BICD1: variants seen among roughly 807,000 people sequenced by gnomAD.
BICD1 encodes BICD cargo adaptor 1.
A neutral mutation model predicts 92.5 loss-of-function variants in BICD1; 35 were observed. The observed-to-expected ratio is 0.38, with a 90% CI of 0.29 to 0.50. BICD1 has a LOEUF of 0.50. BICD1 is among the 20% of genes least tolerant of loss of function. BICD1 has a pLI of 0.93. For synonymous variants in BICD1, 429 were observed against 465.1 expected, an observed-to-expected ratio of 0.92 and a Z score of 1.00; for missense variants, 950 against 1,189.8, an observed-to-expected ratio of 0.80 and a Z score of 2.97.
intron 8 of BICD1, among the ~76,000 whole-genome samples, chr12:32,356,414 G>A (rs1047702104): frequency 6.6e-6 from 1 of 152,184 alleles, no homozygotes; most frequent in African/African-American, 2.4e-5. Context: ...CGCTTTGGGA[G>A]GCTGAGGCGA....
At chr12:32,339,027 T>A in intron 8 of BICD1, 48 bp downstream of exon 8, 1 of 1,526,832 alleles carries the variant, frequency 6.5e-7, no homozygotes, top group Non-Finnish European at 8.7e-7. Flanking sequence ...ATTAGTTGAA[T>A]AGACTCTCCC....
At chr12:32,287,728 G>A (rs1327039955) in intron 2 of BICD1, among the ~76,000 whole-genome samples, 11 of 152,096 alleles carry the variant, frequency 7.2e-5, no homozygotes, top group Admixed American at 5.9e-4. Context: ...TAGTAGAAAC[G>A]AGGTTTCACC....
chr12:32,130,620 G>A (rs1942508521), intron 1 of BICD1, among the ~76,000 whole-genome samples: 1 of 152,072 alleles, frequency 6.6e-6, no homozygotes, highest in Non-Finnish European at 1.5e-5. Context: ...CAGTGCTTGG[G>A]CCCAGCAGTC....
chr12:32,259,924 CTTT>C (rs56372956), intron 2 of BICD1, among the ~76,000 whole-genome samples: 7,532 of 140,770 alleles, frequency 0.054, 213 homozygotes, highest in Middle Eastern at 0.12. Flanking sequence ...ACACTACACA[CTTT>C]TTTTTTTTTT....
At chr12:32,306,831 A>G (rs1565658851) in intron 4 of BICD1, among the ~76,000 whole-genome samples, 1 of 151,738 alleles carries the variant, frequency 6.6e-6, no homozygotes, top group Non-Finnish European at 1.5e-5. Context: ...CCTGGCCAAC[A>G]TGGTAAAACC....
At chr12:32,206,302 G>T (rs1334182508) in intron 1 of BICD1, among the ~76,000 whole-genome samples, 1 of 152,128 alleles carries the variant, frequency 6.6e-6, no homozygotes, top group East Asian at 1.9e-4. Flanking sequence ...AGCCCACAAG[G>T]ATTAGAAATA....
intron 2 of BICD1, among the ~76,000 whole-genome samples, chr12:32,258,982 C>T (rs757999438): frequency 6.6e-6 from 1 of 152,102 alleles, no homozygotes; most frequent in Non-Finnish European, 1.5e-5. Context: ...TTCCCTGAGT[C>T]CTCCAAGGAA....
chr12:32,146,199 A>C (rs1943097437), intron 1 of BICD1, among the ~76,000 whole-genome samples: 1 of 152,218 alleles, frequency 6.6e-6, no homozygotes, highest in Non-Finnish European at 1.5e-5. Flanking sequence ...CCAGCCTTAC[A>C]GTTTTCTCTT....
In BICD1 at chr12:32,300,164, C is replaced by T. The variant is rs571847364; in HGVS notation, c.580-5533C>T. The stretch of plus-strand genomic sequence containing the variant: ...TCGCCCAGGCTGGAGTGCAATGGTG[C>T]GATCTCAGCTCACTGCAAGCTCTGC... On this transcript the variant is annotated intron_variant, in intron 3 of 9. Transcript: ENST00000652176. 2.0e-4 allele frequency among the ~76,000 whole-genome samples: 31 copies of T among 151,536 alleles called. No homozygotes were observed. In the East Asian group the frequency reaches 5.1e-3, roughly 25 times the overall value.
At chr12:32,286,790 C>T (rs11051904) in intron 2 of BICD1, among the ~76,000 whole-genome samples, 27,209 of 151,896 alleles carry the variant, frequency 0.18, 2,998 homozygotes, top group African/African-American at 0.31. Flanking sequence ...TCATTAGGGC[C>T]TAAAATGTAC....
At chr12:32,182,147 T>C (rs1944287798) in intron 1 of BICD1, among the ~76,000 whole-genome samples, 1 of 151,880 alleles carries the variant, frequency 6.6e-6, no homozygotes, top group Non-Finnish European at 1.5e-5. Flanking sequence ...TAAACCAAGT[T>C]CAGAAAGGTG....
intron 9 of BICD1, 138 bp downstream of exon 9, chr12:32,367,883 C>A: frequency 1.3e-6 from 1 of 747,962 alleles, no homozygotes; most frequent in Non-Finnish European, 2.3e-6. Context: ...TACATAGACA[C>A]ACATTGGACA....
At chr12:32,295,195 G>A (rs905100647) in intron 3 of BICD1, among the ~76,000 whole-genome samples, 3 of 151,872 alleles carry the variant, frequency 2.0e-5, no homozygotes, top group Non-Finnish European at 2.9e-5. Context: ...ATGGGGGTTT[G>A]ATAGCTTAAT....
intron 8 of BICD1, among the ~76,000 whole-genome samples, chr12:32,349,445 C>T (rs1938773445): frequency 6.6e-6 from 1 of 152,142 alleles, no homozygotes; most frequent in African/African-American, 2.4e-5. Context: ...CTTCCCTGTC[C>T]ATTTCTCCTT....
intron 1 of BICD1, among the ~76,000 whole-genome samples, chr12:32,120,721 T>C (rs1942109914): frequency 6.6e-6 from 1 of 151,940 alleles, no homozygotes; most frequent in African/African-American, 2.4e-5. Flanking sequence ...GAGATACTAT[T>C]GTCTTGCAGA....
At chr12:32,300,007 G>A (rs1480280413) in intron 3 of BICD1, among the ~76,000 whole-genome samples, 2 of 152,140 alleles carry the variant, frequency 1.3e-5, no homozygotes, top group East Asian at 3.9e-4. Context: ...GGTAGAAGCA[G>A]CCATAGACAA....
chr12:32,345,489 A>T (rs1938531833), intron 8 of BICD1, among the ~76,000 whole-genome samples: 1 of 152,124 alleles, frequency 6.6e-6, no homozygotes, highest in Non-Finnish European at 1.5e-5. Flanking sequence ...TACATATATA[A>T]GGAAATGCAT....
chr12:32,216,001 T>C (rs1945349366), intron 1 of BICD1, among the ~76,000 whole-genome samples: 1 of 150,224 alleles, frequency 6.7e-6, no homozygotes, highest in Non-Finnish European at 1.5e-5. Flanking sequence ...AGTAACAATG[T>C]TTTTCAAGTT....
At chr12:32,148,853 C>T (rs1238793080) in intron 1 of BICD1, among the ~76,000 whole-genome samples, 1 of 151,990 alleles carries the variant, frequency 6.6e-6, no homozygotes. Context: ...AACCCTGTCT[C>T]TACTAAAAAT....
Sources: allele counts gnomAD v4.1 joint callset (sites outside exome capture counted in the v4.1 genomes callset), GRCh38; gene constraint gnomAD v4.1.1; transcripts MANE v1.5; gene names NCBI Gene and HGNC (gene_info 2026-07-23, HGNC 2026-07-21).